The following CLDN16 variants were observed in gnomAD, a reference collection of about 807,000 sequenced individuals.
CLDN16 encodes the protein claudin 16.
In CLDN16, 13 loss-of-function variants were observed where a neutral mutation model predicts 24.6. The observed-to-expected ratio is 0.53, with a 90% CI of 0.34 to 0.84. The LOEUF (loss-of-function observed/expected upper bound fraction) is 0.84. Ranked by LOEUF, CLDN16 falls within the 40% of genes least tolerant of loss-of-function variation. The pLI, the probability that CLDN16 is intolerant of heterozygous loss-of-function variation, is 0.01. For missense variants in CLDN16, 298 were observed against 292.7 expected, an observed-to-expected ratio of 1.02 and a Z score of -0.13; for synonymous variants, 116 against 106.7, an observed-to-expected ratio of 1.09 and a Z score of -0.54.
upstream of CLDN16, among the ~76,000 whole-genome samples, chr3:190,319,877 G>A (rs1018046358): frequency 6.6e-6 from 1 of 152,198 alleles, no homozygotes; most frequent in African/African-American, 2.4e-5. Flanking sequence ...AGGTTTCCTG[G>A]GTTCTATCCA....
intron 4 of CLDN16, 128 bp downstream of exon 4, chr3:190,408,633 C>T: frequency 1.2e-6 from 1 of 864,672 alleles, no homozygotes. Context: ...TTAAAAATTC[C>T]AATTGTTCAA....
chr3:190,336,173 G>T (rs1047914045), intron 1 of CLDN16, among the ~76,000 whole-genome samples: 3 of 152,182 alleles, frequency 2.0e-5, no homozygotes, highest in Admixed American at 2.0e-4. Context: ...ATTTCTGGAA[G>T]TCTTTAAAGA....
chr3:190,381,251 G>A (rs946310816), intron 3 of CLDN16, among the ~76,000 whole-genome samples: 1 of 152,052 alleles, frequency 6.6e-6, no homozygotes, highest in African/African-American at 2.4e-5. Context: ...TGGTTGGTGG[G>A]AGTTCACTCT....
At chr3:190,357,148 G>C (rs1247113791) in intron 1 of CLDN16, among the ~76,000 whole-genome samples, 8 of 151,892 alleles carry the variant, frequency 5.3e-5, no homozygotes, top group Admixed American at 4.6e-4. Context: ...CATTTTTACA[G>C]GGAATGTTCC....
intron 4 of CLDN16, among the ~76,000 whole-genome samples, chr3:190,408,963 G>A (rs535776344): frequency 2.7e-5 from 4 of 149,716 alleles, no homozygotes; most frequent in African/African-American, 7.3e-5. Context: ...ATATGTATAT[G>A]TATACATATA....
chr3:190,350,686 C>T (rs1411962430), intron 1 of CLDN16, among the ~76,000 whole-genome samples: 1 of 152,146 alleles, frequency 6.6e-6, no homozygotes, highest in African/African-American at 2.4e-5. Flanking sequence ...GCTCAGGCTA[C>T]TGGCATTGAA....
chr3:190,339,565 A>G (rs549874936), intron 1 of CLDN16, among the ~76,000 whole-genome samples: 1 of 152,344 alleles, frequency 6.6e-6, no homozygotes, highest in African/African-American at 2.4e-5. Context: ...ATAATTGAAA[A>G]GGGCTAGAAG....
chr3:190,356,594 A>G (rs1468368504), intron 1 of CLDN16, among the ~76,000 whole-genome samples: 1 of 151,870 alleles, frequency 6.6e-6, no homozygotes, highest in African/African-American at 2.4e-5. Flanking sequence ...TCATACTAAA[A>G]CATATAAAAT....
intron 1 of CLDN16, among the ~76,000 whole-genome samples, chr3:190,368,168 G>A (rs973148221): frequency 2.0e-5 from 3 of 151,948 alleles, no homozygotes; most frequent in Non-Finnish European, 4.4e-5. Context: ...GAATTCAGCA[G>A]AATTGATGAT....
At chr3:190,321,310 G>A (rs567258869), upstream of CLDN16, among the ~76,000 whole-genome samples, 1 of 152,168 alleles carries the variant, frequency 6.6e-6, no homozygotes, top group Admixed American at 6.5e-5. Context: ...GCACTACACC[G>A]TCAGCCTCTA....
chr3:190,301,760 T>C, the CLDN16 span, among the ~76,000 whole-genome samples: 3 of 152,168 alleles, frequency 2.0e-5, no homozygotes, highest in Non-Finnish European at 4.4e-5. Flanking sequence ...CTTCCTCCTA[T>C]GACAGACTGC....
chr3:190,305,790 G>A, the CLDN16 span: 2 of 152,118 alleles, frequency 1.3e-5, no homozygotes, highest in South Asian at 2.1e-4. Flanking sequence ...ATGTCTATTG[G>A]TCTGTTTCCA....
At chr3:190,378,940 A>G (rs1304813957) in intron 3 of CLDN16, among the ~76,000 whole-genome samples, 1 of 152,098 alleles carries the variant, frequency 6.6e-6, no homozygotes, top group Non-Finnish European at 1.5e-5. Context: ...GTAGTACAAA[A>G]TAAAAATAAA....
the CLDN16 span, among the ~76,000 whole-genome samples, chr3:190,302,483 T>C: frequency 2.0e-5 from 3 of 152,164 alleles, no homozygotes; most frequent in African/African-American, 7.2e-5. Flanking sequence ...TTAAAAATAT[T>C]ATGTGAGGCC....
At chr3:190,300,474 G>A in the CLDN16 span, among the ~76,000 whole-genome samples, 11 of 152,202 alleles carry the variant, frequency 7.2e-5, no homozygotes, top group East Asian at 9.7e-4. Context: ...ACTATAGCCC[G>A]TAGGCTAAAG....
upstream of CLDN16, among the ~76,000 whole-genome samples, chr3:190,318,968 T>C (rs1221755953): frequency 3.3e-5 from 5 of 152,110 alleles, no homozygotes; most frequent in African/African-American, 7.2e-5. Flanking sequence ...AATTACAGAA[T>C]CTCAGGGTTC....
chr3:190,331,531 C>T (rs1717179875), intron 1 of CLDN16, among the ~76,000 whole-genome samples: 1 of 152,094 alleles, frequency 6.6e-6, no homozygotes, highest in South Asian at 2.1e-4. Flanking sequence ...ATTAAAAATT[C>T]AGTTCCTCTG....
At chr3:190,387,963 C>T, upstream of CLDN16, 1 of 696,928 alleles carries the variant, frequency 1.4e-6, no homozygotes, top group Non-Finnish European at 2.5e-6. Flanking sequence ...GGGACCCTTC[C>T]TCCTTCCCCC....
At chr3:190,391,526 C>A (rs1718674970) in intron 1 of CLDN16, among the ~76,000 whole-genome samples, 1 of 152,092 alleles carries the variant, frequency 6.6e-6, no homozygotes, top group Admixed American at 6.6e-5. Flanking sequence ...GCCATCGAAG[C>A]AGGTCTCATG....
Sources: allele counts gnomAD v4.1 joint callset (sites outside exome capture counted in the v4.1 genomes callset), GRCh38; gene constraint gnomAD v4.1.1; transcripts MANE v1.5; gene names NCBI Gene and HGNC (gene_info 2026-07-23, HGNC 2026-07-21).